ABLIM2: variants seen among roughly 807,000 people sequenced by gnomAD.
ABLIM2 encodes the protein actin-binding LIM protein 2.
In ABLIM2, 53 loss-of-function variants were observed where a neutral mutation model predicts 97.7. The observed-to-expected ratio is 0.54, with a 90% CI of 0.44 to 0.68. ABLIM2 has a LOEUF of 0.68. ABLIM2 is among the 30% of genes least tolerant of loss of function. The probability of loss-of-function intolerance (pLI) is 0.00; values close to 1 mark genes in which losing one functional copy is unlikely to be tolerated. For synonymous variants in ABLIM2, 361 were observed against 345.8 expected (o/e 1.04, Z -0.49); for missense variants, 835 against 867.2 (o/e 0.96, Z 0.47).
rs1781894759 is a variant in ABLIM2, at chr4:8,032,928, A to G, written c.1048-3152T>C. Reference sequence around the variant, plus strand: ...AAACTGATTTCGTGCCAATGAGCCCAGAGCTTGTCTCTACCTGGCCACCCC... The same window carrying G: ...AAACTGATTTCGTGCCAATGAGCCCGGAGCTTGTCTCTACCTGGCCACCCC... On this transcript the variant is annotated intron_variant, in intron 10 of 20. Transcript: ENST00000447017. The surrounding 1 kb of genome is among the most constrained non-coding windows in gnomAD (Gnocchi z 4.3). 6.6e-6 allele frequency among the ~76,000 whole-genome samples: 1 copy of G among 152,186 alleles called. No homozygotes were observed. The highest frequency in any genetic ancestry group is 6.5e-5 in the Admixed American group (1 of 15,282).
In ABLIM2 at chr4:8,158,799, G is replaced by T; in HGVS notation, c.-110C>A. On this transcript the variant is annotated 5_prime_UTR_variant, in exon 1 of 21. Coordinates refer to ENST00000447017, the MANE Select transcript of ABLIM2 (RefSeq NM_001130083.2). The stretch of plus-strand genomic sequence containing the variant: ...CCGCCCGCCCGCCGGCTCCGCGCCC[G>T]CTCCTTGCGCACACGCCAGGCAGCG... 1 of 1,012,716 alleles carries T rather than the reference G, an allele frequency of 9.9e-7. No homozygotes were observed. Among genetic ancestry groups the T allele is most frequent in the Non-Finnish European group, 1.2e-6 (1 of 801,468 alleles). 62.7% of individuals were successfully genotyped at this position (1,012,716 alleles called of 1,614,324 possible).
chr4:8,035,231 G>A (rs764215376), intron 10 of ABLIM2, among the ~76,000 whole-genome samples: 3 of 152,036 alleles, frequency 2.0e-5, no homozygotes, highest in Non-Finnish European at 4.4e-5. Context: ...CAAGTCAGGA[G>A]GGCACCTGCT....
intron 6 of ABLIM2, 29 bp downstream of exon 6, chr4:8,077,599 C>T (rs762816193): frequency 1.6e-5 from 25 of 1,572,696 alleles, no homozygotes; most frequent in African/African-American, 4.0e-5. Context: ...TAGCTCAGAG[C>T]GGGCAGGGGC....
Position 7,980,941 on chromosome 4 carries a change from A to ATCTTTTTTTTTTTTTTTTTTTTTT in ABLIM2, c.1824+2322_1824+2323insAAAAAAAAAAAAAAAAAAAAAAGA, listed in dbSNP as rs1483414043. ...AGAACCATGGTCTCCACAACCCCTTATTTTTTTTTTTTTTTTTTTTGAGAT... is the reference window on the plus strand; with the variant it reads ...AGAACCATGGTCTCCACAACCCCTTATCTTTTTTTTTTTTTTTTTTTTTTTTTTTTTTTTTTTTTTTTTTGAGAT... On this transcript the variant is annotated intron_variant, in intron 20 of 20. Coordinates refer to ENST00000447017, the MANE Select transcript of ABLIM2 (RefSeq NM_001130083.2). 5.6e-3 allele frequency among the ~76,000 whole-genome samples: 463 copies of ATCTTTTTTTTTTTTTTTTTTTTTT among 82,998 alleles called. 12 individuals are homozygous for ATCTTTTTTTTTTTTTTTTTTTTTT. The highest frequency in any genetic ancestry group is 6.8e-3 in the Non-Finnish European group (327 of 48,044). 54.4% of individuals were successfully genotyped at this position (82,998 alleles called of 152,430 possible).
chr4:8,034,206 G>C (rs1374441964), intron 10 of ABLIM2, among the ~76,000 whole-genome samples: 1 of 152,162 alleles, frequency 6.6e-6, no homozygotes, highest in Non-Finnish European at 1.5e-5. Context: ...ACCAGATGTT[G>C]GACAATAAAG....
At chr4:8,094,806 A>G (rs534498015) in intron 3 of ABLIM2, among the ~76,000 whole-genome samples, 5 of 151,954 alleles carry the variant, frequency 3.3e-5, no homozygotes, top group Non-Finnish European at 5.9e-5. Flanking sequence ...CACATTTTCT[A>G]GTTTCCTTTT....
Position 8,152,003 on chromosome 4 carries a change from C to T in ABLIM2, c.10+6677G>A, listed in dbSNP as rs10212941. ...GCTAGGCAGGAACCCCCATAGGAGG[C>T]GGGTTTGGGTCTTGTCCTGCCTCCT... On this transcript the variant is annotated intron_variant, in intron 1 of 20. Transcript: ENST00000447017. 7.2e-3 allele frequency among the ~76,000 whole-genome samples: 1,097 copies of T among 152,218 alleles called. 18 individuals carry two copies. Among genetic ancestry groups the T allele is most frequent in the African/African-American group, 0.025 (1,041 of 41,522 alleles).
intron 20 of ABLIM2, among the ~76,000 whole-genome samples, chr4:7,977,579 C>T (rs1734510116): frequency 6.6e-6 from 1 of 152,036 alleles, no homozygotes; most frequent in Non-Finnish European, 1.5e-5. Flanking sequence ...CACCAGAGGT[C>T]GGGAGTTTGA....
At position 8,112,257 on chromosome 4, in the gene ABLIM2, T is replaced by G. The variant is rs1326462996; in HGVS notation, c.11-5620A>C. ...CCCCCTCCAGGCTGAACTCCTGGTC[T>G]GCCACCAGCCAGCCAGAATGGGAGC... On this transcript the variant is annotated intron_variant, in intron 1 of 20. Transcript: ENST00000447017. This position sits in a 1 kb window ranked among gnomAD's most constrained non-coding sequence, Gnocchi z 4.2. Among the ~76,000 whole-genome samples the G allele has an allele frequency of 1.3e-5, 2 of 152,222 alleles. No individual in the cohort carries two copies. Among genetic ancestry groups the G allele is most frequent in the African/African-American group, 4.8e-5 (2 of 41,470 alleles).
At chr4:8,152,913 G>A (rs1713553710) in intron 1 of ABLIM2, among the ~76,000 whole-genome samples, 2 of 152,308 alleles carry the variant, frequency 1.3e-5, no homozygotes, top group African/African-American at 2.4e-5. Context: ...AAGTGGCAGG[G>A]CTGGGTGTGA....
chr4:8,009,016 G>A (rs746091575), intron 15 of ABLIM2, 34 bp downstream of exon 15: 30 of 1,612,218 alleles, frequency 1.9e-5, no homozygotes, highest in Non-Finnish European at 5.9e-6. Flanking sequence ...TCTGAGCAAG[G>A]CTGTTCTCAG....
chr4:8,152,640 G>A (rs1001003860), intron 1 of ABLIM2, among the ~76,000 whole-genome samples: 15 of 152,220 alleles, frequency 9.9e-5, no homozygotes, highest in East Asian at 5.8e-4. Flanking sequence ...CTGCTCTTTC[G>A]GGGCTTCCCC....
rs112680570 is a variant in ABLIM2 at position 8,046,114 on chromosome 4, C to T, written c.823-873G>A. 4.6e-5 allele frequency among the ~76,000 whole-genome samples: 7 copies of T among 152,280 alleles called. No homozygotes were observed. The highest frequency in any genetic ancestry group is 8.8e-5 in the Non-Finnish European group (6 of 68,022). ...TGTCCTGGCCTTTTTGCTGCTGTCA[C>T]GCCTGGGACCTGTGTCCTCCTTACA... is the stretch of plus-strand genomic sequence containing the variant. On this transcript the variant is annotated intron_variant, in intron 8 of 20. Transcript: ENST00000447017. This position sits in a 1 kb window ranked among gnomAD's most constrained non-coding sequence, Gnocchi z 4.4.
chr4:8,039,506 A>G (rs1392802603), intron 9 of ABLIM2, among the ~76,000 whole-genome samples: 1 of 152,188 alleles, frequency 6.6e-6, no homozygotes, highest in Admixed American at 6.5e-5. Flanking sequence ...GGTGGTTGCC[A>G]TGACAACGGG....
chr4:8,028,808 A>T (rs902187070), intron 11 of ABLIM2, among the ~76,000 whole-genome samples: 3 of 152,220 alleles, frequency 2.0e-5, no homozygotes, highest in African/African-American at 7.2e-5. Flanking sequence ...ACATTTATTG[A>T]GCAGAATGTA....
intron 20 of ABLIM2, among the ~76,000 whole-genome samples, chr4:7,968,621 G>A (rs911192470): frequency 1.3e-5 from 2 of 152,190 alleles, no homozygotes; most frequent in South Asian, 2.1e-4. Flanking sequence ...TGAAGTGTCC[G>A]GAACAGGCAA....
intron 8 of ABLIM2, among the ~76,000 whole-genome samples, chr4:8,047,682 T>C (rs928998600): frequency 4.6e-5 from 7 of 152,344 alleles, no homozygotes; most frequent in Non-Finnish European, 5.9e-5. Context: ...GATGGCTGCA[T>C]ACATTTTATA....
chr4:8,020,316 G>C lies in ABLIM2; in HGVS notation c.1268-13C>G. On this transcript the variant is annotated splice_polypyrimidine_tract_variant and intron_variant, in intron 12 of 20. Coordinates refer to ENST00000447017, the MANE Select transcript of ABLIM2 (RefSeq NM_001130083.2). Reference sequence around the variant, plus strand: ...CCACTTTCACTGCCTCCAGACGGAAGGGCAAAGGCAGCAGATAGAAGGGGA... The same window carrying C: ...CCACTTTCACTGCCTCCAGACGGAACGGCAAAGGCAGCAGATAGAAGGGGA... 6.2e-7 allele frequency: 1 copy of C among 1,609,984 alleles called. No individual in the cohort carries two copies. Among genetic ancestry groups the C allele is most frequent in the Non-Finnish European group, 8.5e-7 (1 of 1,176,714 alleles).
intron 14 of ABLIM2, among the ~76,000 whole-genome samples, chr4:8,011,289 T>C (rs1187814256): frequency 6.6e-6 from 1 of 152,164 alleles, no homozygotes; most frequent in Non-Finnish European, 1.5e-5. Context: ...AAGTTTCCTT[T>C]GCAAACACTG....
Sources: gnomAD v4.1 joint callset for allele counts (sites outside exome capture counted in the v4.1 genomes callset) on GRCh38, gnomAD v4.1.1 for gene constraint, Gnocchi (gnomAD v3.1) non-coding constraint, MANE v1.5 for transcripts, NCBI Gene and HGNC (gene_info 2026-07-23, HGNC 2026-07-21) for gene names.